SLC2A3: variants seen among roughly 807,000 people sequenced by gnomAD.
SLC2A3 encodes solute carrier family 2, facilitated glucose transporter member 3.
In SLC2A3, 21 loss-of-function variants were observed where a neutral mutation model predicts 46.4. The ratio of observed to expected loss-of-function variants is 0.45; its 90% CI spans 0.32 to 0.65. SLC2A3 has a LOEUF of 0.65. SLC2A3 is among the 30% of genes least tolerant of loss of function. The probability of loss-of-function intolerance (pLI) is 0.04; values close to 1 mark genes in which losing one functional copy is unlikely to be tolerated. For missense variants in SLC2A3, 499 were observed against 623.3 expected (o/e 0.80, Z 2.12); for synonymous variants, 213 against 239.4 (o/e 0.89, Z 1.02).
At chr12:7,934,808 C>G (rs1946196357) in intron 1 of SLC2A3, among the ~76,000 whole-genome samples, 1 of 152,100 alleles carries the variant, frequency 6.6e-6, no homozygotes, top group African/African-American at 2.4e-5. Flanking sequence ...TTGCCTGCAG[C>G]CTCCCAGATG....
At chr12:7,921,805 C>G (rs146485178) in intron 9 of SLC2A3, among the ~76,000 whole-genome samples, 174 bp from the exon 10 acceptor site, 121 of 152,224 alleles carry the variant, frequency 7.9e-4, no homozygotes, top group African/African-American at 2.8e-3. Flanking sequence ...CTGTAGTTCT[C>G]TCTAGTTTTC....
chr12:7,929,205 T>G (rs1394408715), intron 6 of SLC2A3, among the ~76,000 whole-genome samples: 1 of 151,998 alleles, frequency 6.6e-6, no homozygotes, highest in Admixed American at 6.6e-5. Flanking sequence ...GGGACAAGGG[T>G]GCTCTTAATA....
In SLC2A3 at chr12:7,924,437, C is replaced by A. The variant is rs760682928; in HGVS notation, c.1041G>T (p.Thr347=). The A allele has an allele frequency of 6.2e-7, 1 of 1,610,586 alleles. No homozygotes were observed. Among genetic ancestry groups the A allele is most frequent in the Non-Finnish European group, 8.5e-7 (1 of 1,179,124 alleles). Residue 347 remains threonine, a synonymous_variant, in exon 8 of 10, where the codon ACG becomes ACT. Transcript: ENST00000075120. ...TTAATAACAAAGAAACAGTCATGAG[C>A]GTGGAACAAAAAGCCATCCCTCCAA... ...IGLGGMAFCS[T]LMTVSLLLKD... is the part of the protein sequence containing the mutation.
intron 6 of SLC2A3, among the ~76,000 whole-genome samples, chr12:7,926,564 C>T (rs948289434): frequency 1.7e-4 from 26 of 152,192 alleles, no homozygotes; most frequent in African/African-American, 6.0e-4. Context: ...CAGCAACTCA[C>T]TGTTGCCCAG....
At chr12:7,930,803 T>G (rs960592406) in intron 4 of SLC2A3, among the ~76,000 whole-genome samples, 161 bp from the exon 5 acceptor site, 20 of 145,600 alleles carry the variant, frequency 1.4e-4, no homozygotes, top group African/African-American at 5.1e-4. Context: ...TTTTTTTTTT[T>G]TTTTTTTTTT....
rs1304528138 is a variant in SLC2A3, at chr12:7,919,448, G to A, written c.*1965C>T. Reference sequence around the variant, plus strand: ...TGCATTTTTTTTTTTTTGAGACGGAGTCTCGCCCTGTGGCCCAGGCTAGAG... The same window carrying A: ...TGCATTTTTTTTTTTTTGAGACGGAATCTCGCCCTGTGGCCCAGGCTAGAG... On this transcript the variant is annotated 3_prime_UTR_variant, in exon 10 of 10. Coordinates refer to ENST00000075120, the MANE Select transcript of SLC2A3 (RefSeq NM_006931.3). The A allele has an allele frequency of 2.6e-5, 4 of 151,422 alleles. No individual in the cohort carries two copies. The highest frequency in any genetic ancestry group is 4.4e-5 in the Non-Finnish European group (3 of 67,894). The allele number at this position is 151,422 out of a possible 1,614,324, so 9.4% of individuals were successfully genotyped here. A position where few individuals can be genotyped will look rare whatever the true frequency, so the allele number is the denominator to read the frequency against.
rs146528278 is a variant in SLC2A3 at position 7,924,087 on chromosome 12, C to T, written c.1068+323G>A. On this transcript the variant is annotated intron_variant, in intron 8 of 9. Transcript: ENST00000075120. Reference sequence around the variant, plus strand: ...CCAGCTGAGGATTGAATTTTTCAATCCCATCTATATGATCTCATATATGTC... The same window carrying T: ...CCAGCTGAGGATTGAATTTTTCAATTCCATCTATATGATCTCATATATGTC... Among the ~76,000 whole-genome samples, 324 of 152,220 alleles carry T rather than the reference C, an allele frequency of 2.1e-3. 5 individuals carry two copies. The highest frequency in any genetic ancestry group is 7.3e-3 in the African/African-American group (303 of 41,556).
intron 2 of SLC2A3, chr12:7,933,467 A>AACAGC: frequency 2.1e-6 from 1 of 465,836 alleles, no homozygotes. Context: ...TGGGAGGAAG[A>AACAGC]ACAGCACCGC....
At chr12:7,928,704 C>T (rs1366939234) in intron 6 of SLC2A3, among the ~76,000 whole-genome samples, 2 of 152,158 alleles carry the variant, frequency 1.3e-5, no homozygotes, top group East Asian at 3.9e-4. Context: ...TGGAAAGTCT[C>T]GGGAGCACAT....
chr12:7,935,365 T>C (rs1428460751), intron 1 of SLC2A3, among the ~76,000 whole-genome samples: 2 of 152,066 alleles, frequency 1.3e-5, no homozygotes, highest in African/African-American at 4.8e-5. Flanking sequence ...GGCAGGAGAA[T>C]CGCTTGAACC....
chr12:7,921,846 T>C (rs745402089), intron 9 of SLC2A3, among the ~76,000 whole-genome samples: 1 of 152,276 alleles, frequency 6.6e-6, no homozygotes, highest in South Asian at 2.1e-4. Flanking sequence ...TACAGTTAGA[T>C]GCTTCCAAAT....
At chr12:7,929,419 G>A in intron 6 of SLC2A3, 4 of 480,244 alleles carry the variant, frequency 8.3e-6, no homozygotes, top group Non-Finnish European at 1.5e-5. Context: ...GGTAAAGTCA[G>A]TTCACTCTGA....
intron 7 of SLC2A3, chr12:7,925,454 A>G (rs1288182236): frequency 6.0e-6 from 1 of 166,622 alleles, no homozygotes; most frequent in Non-Finnish European, 1.3e-5. Context: ...CAGGACACCT[A>G]GATGGTGTCC....
chr12:7,931,702 G>A (rs887568586), intron 3 of SLC2A3, among the ~76,000 whole-genome samples: 5 of 151,834 alleles, frequency 3.3e-5, no homozygotes, highest in East Asian at 1.9e-4. Context: ...AGCTGAGGTC[G>A]GAGGTCGAAG....
rs754621825 is a variant in SLC2A3 at position 7,933,073 on chromosome 12, A to C, written c.183T>G (p.Ser61=). 1.2e-6 allele frequency: 2 copies of C among 1,614,138 alleles called. No homozygotes were observed. The highest frequency in any genetic ancestry group is 2.2e-5 in the South Asian group (2 of 91,082). Residue 61 remains serine, a synonymous_variant, in exon 3 of 10, where the codon TCT becomes TCG. Coordinates refer to ENST00000075120, the MANE Select transcript of SLC2A3 (RefSeq NM_006931.3). ...NAPPSEVLLT[S]LWSLSVAIFS... ...ATATGGCCACAGACAAGGACCAGAG[A>C]GACGTGAGCAGCACCTCAGAGGGTG...
At chr12:7,932,428 T>A (rs1361106857) in intron 3 of SLC2A3, among the ~76,000 whole-genome samples, 1 of 152,130 alleles carries the variant, frequency 6.6e-6, no homozygotes, top group Admixed American at 6.6e-5. Flanking sequence ...TCCACTTGCC[T>A]CGGTTTCCCA....
At chr12:7,923,482 G>T (rs1946060731) in intron 8 of SLC2A3, among the ~76,000 whole-genome samples, 1 of 152,104 alleles carries the variant, frequency 6.6e-6, no homozygotes, top group African/African-American at 2.4e-5. Flanking sequence ...GAGCGTGGTG[G>T]CACGTGCCTA....
chr12:7,933,217 G>T (rs776748934), intron 2 of SLC2A3, 70 bp from the exon 3 acceptor site: 1 of 1,512,592 alleles, frequency 6.6e-7, no homozygotes, highest in Non-Finnish European at 9.1e-7. Context: ...CAAACATTAG[G>T]GATCATTTCC....
Position 7,933,872 on chromosome 12 carries a change from C to A in SLC2A3, c.46G>T (p.Val16Phe). Residue 16 changes from valine (V) to phenylalanine (F), a missense_variant, in exon 2 of 10, where the codon GTT becomes TTT. Val to Phe is a conservative substitution (Grantham distance 50, BLOSUM62 -1). Coordinates refer to ENST00000075120, the MANE Select transcript of SLC2A3 (RefSeq NM_006931.3). ...AATTGGAAAGAGCCGATTGTAGCAACTGTGATGGCAAATATCAGAGCTGGG... is the reference window on the plus strand; with the variant it reads ...AATTGGAAAGAGCCGATTGTAGCAAATGTGATGGCAAATATCAGAGCTGGG... ...VTPALIFAIT[V>F]ATIGSFQFGY... 1 of 1,614,056 alleles carries A rather than the reference C, an allele frequency of 6.2e-7. No individual in the cohort carries two copies. Among genetic ancestry groups the A allele is most frequent in the Non-Finnish European group, 8.5e-7 (1 of 1,179,978 alleles).
Sources: allele counts gnomAD v4.1 joint callset (sites outside exome capture counted in the v4.1 genomes callset), GRCh38; gene constraint gnomAD v4.1.1; transcripts MANE v1.5; gene names NCBI Gene and HGNC (gene_info 2026-07-23, HGNC 2026-07-21).